The following POLR2B variants were observed in gnomAD, a reference collection of about 807,000 sequenced individuals.
POLR2B encodes DNA-directed RNA polymerase II subunit RPB2.
In POLR2B, 57 loss-of-function variants were observed where a neutral mutation model predicts 144.6. The ratio of observed to expected loss-of-function variants is 0.39; its 90% CI spans 0.32 to 0.49. The LOEUF (loss-of-function observed/expected upper bound fraction) is 0.49, where lower values mean the gene tolerates loss of function less well. POLR2B is among the 20% of genes least tolerant of loss of function. POLR2B has a pLI of 0.83. For missense variants in POLR2B, 595 were observed against 1,467.4 expected (o/e 0.41, Z 9.71); for synonymous variants, 442 against 469.8 (o/e 0.94, Z 0.77).
rs759546288 is a variant in POLR2B at position 57,017,078 on chromosome 4, A to G, written c.1991A>G (p.Tyr664Cys). The G allele has an allele frequency of 3.7e-6, 6 of 1,613,054 alleles. No individual in the cohort carries two copies. In the Admixed American group the frequency reaches 8.4e-5, roughly 23 times the overall value. Reference sequence around the variant, plus strand: ...CTTGTGGCCAGTGGGGTAGTGGAGTATATTGATACCCTGGAAGAAGAAACA... The same window carrying G: ...CTTGTGGCCAGTGGGGTAGTGGAGTGTATTGATACCCTGGAAGAAGAAACA... ...QDLVASGVVE[Y>C]IDTLEEETVM... Residue 664 changes from tyrosine (Y) to cysteine (C), a missense_variant, in exon 15 of 25, where the codon TAT becomes TGT. Transcript: ENST00000314595. This position sits in a 1 kb window ranked among gnomAD's most constrained non-coding sequence, Gnocchi z 4.8.
Position 56,978,910 on chromosome 4 carries a change from T to C in POLR2B, c.-76T>C. The C allele has an allele frequency of 7.1e-7, 1 of 1,398,878 alleles. No individual in the cohort carries two copies. Among genetic ancestry groups the C allele is most frequent in the Non-Finnish European group, 1.0e-6 (1 of 983,964 alleles). The allele number at this position is 1,398,878 out of a possible 1,614,324, so 86.7% of individuals were successfully genotyped here. On this transcript the variant is annotated 5_prime_UTR_variant, in exon 1 of 25. Transcript: ENST00000314595. Reference sequence around the variant, plus strand: ...AGACGGAAGTTACTTCGTCTTTAGCTCCTGGCGCTGCTGGCTTCTGGGCGG... The same window carrying C: ...AGACGGAAGTTACTTCGTCTTTAGCCCCTGGCGCTGCTGGCTTCTGGGCGG...
chr4:56,986,208 T>C, intron 1 of POLR2B, 146 bp from the exon 2 acceptor site: 1 of 731,984 alleles, frequency 1.4e-6, no homozygotes, highest in Non-Finnish European at 2.5e-6. Flanking sequence ...ATTTTATTAA[T>C]GTAATTGAAA....
intron 22 of POLR2B, 71 bp from the exon 23 acceptor site, chr4:57,025,306 A>T: frequency 9.5e-7 from 1 of 1,054,626 alleles, no homozygotes; most frequent in South Asian, 1.3e-5. Context: ...GAGTAACACA[A>T]TATATACACA....
chr4:57,024,677 T>C (rs537853149), intron 21 of POLR2B, among the ~76,000 whole-genome samples: 1 of 152,218 alleles, frequency 6.6e-6, no homozygotes, highest in Non-Finnish European at 1.5e-5. Flanking sequence ...TCTAAATGTT[T>C]TGTGTAAGGT....
At position 56,986,378 on chromosome 4, in the gene POLR2B, A is replaced by G; in HGVS notation, c.44A>G (p.Asp15Gly). ...GATATGCAATATGATGAGGATGATG[A>G]TGAAATCACCCCGGATTTGTGGCAA... Reference protein sequence around the residue: ...DEDMQYDEDDDEITPDLWQEA... With the variant: ...DEDMQYDEDDGEITPDLWQEA... The change falls in exon 2 of 25, where the codon GAT (aspartate) becomes GGT (glycine). Residue 15 changes from aspartate to glycine, a missense_variant. Asp to Gly is a moderately conservative substitution (Grantham distance 94, BLOSUM62 -1). This residue lies in a region of POLR2B where 25 missense variants were observed against 26.1 expected (regional missense o/e 0.96). Transcript: ENST00000314595. The G allele has an allele frequency of 6.2e-7, 1 of 1,612,372 alleles. No individual in the cohort carries two copies. Among genetic ancestry groups the G allele is most frequent in the Non-Finnish European group, 8.5e-7 (1 of 1,178,484 alleles).
Position 56,979,057 on chromosome 4 carries a change from G to T in POLR2B, c.19+53G>T. 4 of 1,578,490 alleles carry T rather than the reference G, an allele frequency of 2.5e-6. No individual in the cohort carries two copies. In the South Asian group the frequency reaches 3.3e-5, roughly 13 times the overall value. ...TGGCGGTCCATTTAAGCAGGAAAGC[G>T]TTGGGAACTGATTGGATTGAGGATT... is the stretch of plus-strand genomic sequence containing the variant. On this transcript the variant is annotated intron_variant, in intron 1 of 24. Transcript: ENST00000314595.
At chr4:57,021,429 G>T (rs528468386) in intron 17 of POLR2B, among the ~76,000 whole-genome samples, 1 of 148,724 alleles carries the variant, frequency 6.7e-6, no homozygotes, top group African/African-American at 2.5e-5. Flanking sequence ...TGTCTGTGTA[G>T]TTTCAAAGGG....
rs1723619786 is a variant in POLR2B, at chr4:57,023,590, A to G, written c.2766+10A>G. ...ATTTTGTAAAATAAGGGTGAGTACA[A>G]CTTTGTTCATGTAGCTAGTTTTAGA... On this transcript the variant is annotated intron_variant, in intron 19 of 24. Coordinates refer to ENST00000314595, the MANE Select transcript of POLR2B (RefSeq NM_000938.3). This position sits in a 1 kb window ranked among gnomAD's most constrained non-coding sequence, Gnocchi z 4.3. 6.2e-7 allele frequency: 1 copy of G among 1,613,242 alleles called. No homozygotes were observed. The highest frequency in any genetic ancestry group is 2.2e-5 in the East Asian group (1 of 44,864).
rs1047662416 is a variant in POLR2B, at chr4:57,023,397, A to G, written c.2583A>G (p.Ser861=). 2 of 1,613,890 alleles carry G rather than the reference A, an allele frequency of 1.2e-6. No homozygotes were observed. Among genetic ancestry groups the G allele is most frequent in the Admixed American group, 1.7e-5 (1 of 60,012 alleles). ...DGLIAPGVRV[S]GDDVIIGKTV... is the part of the protein sequence containing the mutation. ...TGATAGCTCCAGGGGTTCGTGTATC[A>G]GGAGATGATGTTATTATAGGCAAAA... The change falls in exon 19 of 25, where the codon TCA becomes TCG. Residue 861 remains serine (S), a synonymous_variant. Coordinates refer to ENST00000314595, the MANE Select transcript of POLR2B (RefSeq NM_000938.3). The surrounding 1 kb of genome is among the most constrained non-coding windows in gnomAD (Gnocchi z 4.3).
chr4:57,011,096 C>T lies in POLR2B; in HGVS notation c.1796C>T (p.Ser599Phe). 6.3e-7 allele frequency: 1 copy of T among 1,590,116 alleles called. No homozygotes were observed. The highest frequency in any genetic ancestry group is 8.6e-7 in the Non-Finnish European group (1 of 1,158,084). The change falls in exon 13 of 25, where the codon TCT becomes TTT. Residue 599 changes from serine (S) to phenylalanine (F), a missense_variant. Transcript: ENST00000314595. ...AGACGTCAGATGGACATCATTGTGTCTGAAGTAAGAATCTTTAGTTAAGAG... is the reference window on the plus strand; with the variant it reads ...AGACGTCAGATGGACATCATTGTGTTTGAAGTAAGAATCTTTAGTTAAGAG... ...KLRRQMDIIV[S>F]EVSMIRDIRE...
chr4:56,995,157 A>G lies in POLR2B; in HGVS notation c.577-94A>G, dbSNP rs1226525040. The G allele has an allele frequency of 3.5e-6, 3 of 867,424 alleles. No homozygotes were observed. In the East Asian group the frequency reaches 7.8e-5, roughly 23 times the overall value. 53.7% of individuals were successfully genotyped at this position (867,424 alleles called of 1,614,324 possible). ...GAATTAAATATTTCAGTGAGCCTAT[A>G]TGGTCAGATTAAATTAAGATGCAGA... On this transcript the variant is annotated intron_variant, in intron 5 of 24. Coordinates refer to ENST00000314595, the MANE Select transcript of POLR2B (RefSeq NM_000938.3).
chr4:57,023,131 T>C lies in POLR2B; in HGVS notation c.2516-199T>C. ...CCCAGTGCTGATTCCAATGTTCTTTTCCTTCATAGACTTTTTTTTTTGTTT... is the reference window on the plus strand; with the variant it reads ...CCCAGTGCTGATTCCAATGTTCTTTCCCTTCATAGACTTTTTTTTTTGTTT... On this transcript the variant is annotated intron_variant, in intron 18 of 24. Coordinates refer to ENST00000314595, the MANE Select transcript of POLR2B (RefSeq NM_000938.3). The surrounding 1 kb of genome is among the most constrained non-coding windows in gnomAD (Gnocchi z 4.3). 1.9e-6 allele frequency: 1 copy of C among 529,496 alleles called. No individual in the cohort carries two copies. Among genetic ancestry groups the C allele is most frequent in the South Asian group, 2.8e-5 (1 of 35,372 alleles). The allele number at this position is 529,496 out of a possible 1,614,324, so 32.8% of individuals were successfully genotyped here.
chr4:56,997,765 A>T lies in POLR2B; in HGVS notation c.736-1852A>T, dbSNP rs574491270. ...GATCAGGGTGGATCTGGATTAGTGG[A>T]TCTTAACTAAAGGTTCACCTCAATA... On this transcript the variant is annotated intron_variant, in intron 6 of 24. Coordinates refer to ENST00000314595, the MANE Select transcript of POLR2B (RefSeq NM_000938.3). Among the ~76,000 whole-genome samples, 49 of 152,298 alleles carry T rather than the reference A, an allele frequency of 3.2e-4. 2 individuals are homozygous for T. In the South Asian group the frequency reaches 0.01, roughly 32 times the overall value.
chr4:56,999,622 C>T lies in POLR2B; in HGVS notation c.741C>T (p.Ala247=), dbSNP rs753728502. The change falls in exon 7 of 25, where the codon GCC becomes GCT. Residue 247 remains alanine, a synonymous_variant. Transcript: ENST00000314595. ...ATGATACTTTATTTTTCTAGGGTGC[C>T]AAGAAGAGTGCTATTGGTCAGCGCA... ...VSMLARGGQG[A]KKSAIGQRIV... 14 of 1,598,492 alleles carry T rather than the reference C, an allele frequency of 8.8e-6. 1 individual carries two copies. In the South Asian group the frequency reaches 1.6e-4, roughly 18 times the overall value.
At chr4:57,001,640 A>G (rs1314150591) in intron 7 of POLR2B, among the ~76,000 whole-genome samples, 5 of 152,158 alleles carry the variant, frequency 3.3e-5, no homozygotes, top group Admixed American at 2.6e-4. Flanking sequence ...TCTCAACAAG[A>G]GTCATGTGAT....
At chr4:56,997,940 C>G (rs2109668245) in intron 6 of POLR2B, among the ~76,000 whole-genome samples, 1 of 152,246 alleles carries the variant, frequency 6.6e-6, no homozygotes, top group Non-Finnish European at 1.5e-5. Context: ...AGGCATCGGC[C>G]TGGATGACAG....
chr4:57,028,731 C>G (rs1284233863), intron 23 of POLR2B, among the ~76,000 whole-genome samples: 2 of 152,202 alleles, frequency 1.3e-5, no homozygotes, highest in Non-Finnish European at 2.9e-5. Flanking sequence ...AGCTTTGACT[C>G]TCAGGCGGTC....
Position 57,011,109 on chromosome 4 carries a change from CT to C in POLR2B, c.1800+12del. 2 of 1,550,662 alleles carry C rather than the reference CT, an allele frequency of 1.3e-6. No individual in the cohort carries two copies. Among genetic ancestry groups the C allele is most frequent in the Non-Finnish European group, 1.8e-6 (2 of 1,122,032 alleles). ...ACATCATTGTGTCTGAAGTAAGAAT[CT>C]TTAGTTAAGAGGGTGTGGACTGTGA... On this transcript the variant is annotated intron_variant, in intron 13 of 24. Transcript: ENST00000314595.
At chr4:57,005,828 A>T in intron 9 of POLR2B, 109 bp downstream of exon 9, 1 of 967,112 alleles carries the variant, frequency 1.0e-6, no homozygotes, top group Non-Finnish European at 1.5e-6. Flanking sequence ...TTGGGTACTT[A>T]TGAAATTAGC....
Sources: gnomAD v4.1 joint callset for allele counts (sites outside exome capture counted in the v4.1 genomes callset) on GRCh38, gnomAD v4.1.1 for gene constraint, gnomAD v4.1.1 regional missense constraint, Gnocchi (gnomAD v3.1) non-coding constraint, MANE v1.5 for transcripts, NCBI Gene and HGNC (gene_info 2026-07-23, HGNC 2026-07-21) for gene names.